PIWIL2: variants seen among roughly 807,000 people sequenced by gnomAD.
PIWIL2 encodes the protein piwi-like protein 2.
A neutral mutation model predicts 116.5 loss-of-function variants in PIWIL2; 81 were observed. The ratio of observed to expected loss-of-function variants is 0.70; its 90% CI spans 0.58 to 0.84. PIWIL2 has a LOEUF of 0.84. PIWIL2 is among the 40% of genes least tolerant of loss of function. The pLI, the probability that PIWIL2 is intolerant of heterozygous loss-of-function variation, is 0.00. For missense variants in PIWIL2, 1,272 were observed against 1,212.3 expected, an observed-to-expected ratio of 1.05 and a Z score of -0.73; for synonymous variants, 489 against 429.5, an observed-to-expected ratio of 1.14 and a Z score of -1.71.
chr8:22,310,717 G>C (rs966284426), intron 15 of PIWIL2, among the ~76,000 whole-genome samples: 2 of 151,966 alleles, frequency 1.3e-5, no homozygotes, highest in East Asian at 3.9e-4. Context: ...CCCAGTTCCT[G>C]CCTATCCCTT....
chr8:22,292,514 A>G (rs970826766), intron 10 of PIWIL2, among the ~76,000 whole-genome samples: 2 of 152,228 alleles, frequency 1.3e-5, no homozygotes, highest in African/African-American at 4.8e-5. Context: ...GAACTTTTTT[A>G]TAATTATTCT....
chr8:22,336,838 T>TA (rs1383089181), intron 20 of PIWIL2, among the ~76,000 whole-genome samples: 1 of 152,030 alleles, frequency 6.6e-6, no homozygotes, highest in African/African-American at 2.4e-5. Flanking sequence ...TTTGAGGAGA[T>TA]AAAGTTGACA....
chr8:22,316,967 A>T (rs997694142), intron 19 of PIWIL2, among the ~76,000 whole-genome samples: 1 of 151,810 alleles, frequency 6.6e-6, no homozygotes, highest in South Asian at 2.1e-4. Flanking sequence ...TTTTGTAGAG[A>T]CAGGGTTTCA....
chr8:22,342,791 C>G (rs1005491960), intron 20 of PIWIL2, among the ~76,000 whole-genome samples: 1 of 151,962 alleles, frequency 6.6e-6, no homozygotes, highest in African/African-American at 2.4e-5. Context: ...TTAAAAACTT[C>G]TGGGAAACAC....
intron 10 of PIWIL2, among the ~76,000 whole-genome samples, chr8:22,295,680 C>G (rs1563364038): frequency 6.6e-6 from 1 of 152,132 alleles, no homozygotes; most frequent in Non-Finnish European, 1.5e-5. Context: ...GCTTGGTGTT[C>G]TACCACCTTC....
chr8:22,316,346 C>T lies in PIWIL2; in HGVS notation c.2297+13C>T. 5 of 1,501,958 alleles carry T rather than the reference C, an allele frequency of 3.3e-6. No individual in the cohort carries two copies. Among genetic ancestry groups the T allele is most frequent in the Non-Finnish European group, 4.6e-6 (5 of 1,077,370 alleles). The allele number at this position is 1,501,958 out of a possible 1,614,324, so 93.0% of individuals were successfully genotyped here. Reference sequence around the variant, plus strand: ...CAAGCATCAATCTGTAAGTACTGCTCACAGTGCCATCTTGTTTGATTATTT... The same window carrying T: ...CAAGCATCAATCTGTAAGTACTGCTTACAGTGCCATCTTGTTTGATTATTT... On this transcript the variant is annotated intron_variant, in intron 19 of 22. Transcript: ENST00000356766.
At position 22,284,078 on chromosome 8, in the gene PIWIL2, CTTG is replaced by C. The variant is rs75264027; in HGVS notation, c.633-77_633-75del. On this transcript the variant is annotated intron_variant, in intron 5 of 22. Transcript: ENST00000356766. Reference sequence around the variant, plus strand: ...AAAAAATGTTACTTCCCCCAATCTTCTTGTTGTTGGTTGTGTGGGTTGGTTAGT... The same window carrying C: ...AAAAAATGTTACTTCCCCCAATCTTCTTGTTGGTTGTGTGGGTTGGTTAGT... The C allele has an allele frequency of 5.0e-4, 328 of 658,480 alleles. 1 individual carries two copies. The highest frequency in any genetic ancestry group is 7.6e-4 in the Admixed American group (26 of 34,192). 40.8% of individuals were successfully genotyped at this position (658,480 alleles called of 1,614,324 possible).
intron 10 of PIWIL2, among the ~76,000 whole-genome samples, chr8:22,291,282 C>CCAGGACCACAGGTGCATG (rs1228574852): frequency 6.6e-6 from 1 of 151,862 alleles, no homozygotes; most frequent in Non-Finnish European, 1.5e-5. Context: ...TCCCGAGTAG[C>CCAGGACCACAGGTGCATG]CAGGACCACA....
chr8:22,312,022 G>A (rs116965878), intron 16 of PIWIL2, among the ~76,000 whole-genome samples: 9,260 of 152,068 alleles, frequency 0.061, 351 homozygotes, highest in Admixed American at 0.092. Context: ...CCAGCACGTT[G>A]GGATGCTGAG....
At chr8:22,335,543 C>CTTTTT (rs59166171) in intron 20 of PIWIL2, among the ~76,000 whole-genome samples, 1 of 92,220 alleles carries the variant, frequency 1.1e-5, no homozygotes, top group East Asian at 3.5e-4. Flanking sequence ...ACAAAATAGA[C>CTTTTT]TTTTTTTTTT....
chr8:22,287,766 C>A, intron 7 of PIWIL2, 121 bp downstream of exon 7: 1 of 696,182 alleles, frequency 1.4e-6, no homozygotes, highest in South Asian at 1.6e-5. Flanking sequence ...CTCGAATTCC[C>A]AAAGCCCTGG....
intron 20 of PIWIL2, among the ~76,000 whole-genome samples, chr8:22,329,760 G>T (rs1416250594): frequency 6.6e-6 from 1 of 152,204 alleles, no homozygotes; most frequent in South Asian, 2.1e-4. Flanking sequence ...TGCTAATTCT[G>T]TATTAGCATT....
At chr8:22,327,305 G>A (rs1831747277) in intron 20 of PIWIL2, among the ~76,000 whole-genome samples, 1 of 150,344 alleles carries the variant, frequency 6.7e-6, no homozygotes, top group Admixed American at 6.6e-5. Flanking sequence ...CCAAAGTGAG[G>A]CACCACGCCT....
chr8:22,354,195 A>G, intron 21 of PIWIL2, 76 bp from the exon 22 acceptor site: 1 of 948,428 alleles, frequency 1.1e-6, no homozygotes, highest in Non-Finnish European at 1.7e-6. Flanking sequence ...AAGGAGCTAG[A>G]ACGATCTCCA....
chr8:22,286,607 A>G (rs1023903343), intron 6 of PIWIL2, among the ~76,000 whole-genome samples: 5 of 152,148 alleles, frequency 3.3e-5, no homozygotes, highest in Non-Finnish European at 5.9e-5. Context: ...CTTAGGTAAC[A>G]ACAACAAAAA....
chr8:22,303,956 C>T, intron 10 of PIWIL2, 65 bp from the exon 11 acceptor site: 1 of 1,006,406 alleles, frequency 9.9e-7, no homozygotes, highest in Non-Finnish European at 1.5e-6. Flanking sequence ...TACTTGATCC[C>T]CTATCCCTTT....
At chr8:22,337,786 A>G (rs1832014415) in intron 20 of PIWIL2, among the ~76,000 whole-genome samples, 1 of 151,786 alleles carries the variant, frequency 6.6e-6, no homozygotes, top group African/African-American at 2.4e-5. Context: ...GAAATGACAG[A>G]GCATTGTTAA....
Position 22,309,961 on chromosome 8 carries a change from A to G in PIWIL2, c.1687A>G (p.Ile563Val), listed in dbSNP as rs760083346. Residue 563 changes from isoleucine to valine, a missense_variant and splice_region_variant, in exon 15 of 23, where the codon ATT becomes GTT. Coordinates refer to ENST00000356766, the MANE Select transcript of PIWIL2 (RefSeq NM_018068.5). Reference protein sequence around the residue: ...GLRLQKDVHKIEGRVLPMERI... With the variant: ...GLRLQKDVHKVEGRVLPMERI... ...CATAGATGGTTTATTTTCTGTTTAG[A>G]TTGAAGGACGTGTTCTGCCAATGGA... 1.9e-6 allele frequency: 3 copies of G among 1,570,844 alleles called. No homozygotes were observed. The highest frequency in any genetic ancestry group is 2.6e-6 in the Non-Finnish European group (3 of 1,141,090).
In PIWIL2 at chr8:22,288,662, C is replaced by T. The variant is rs779580930; in HGVS notation, c.982C>T (p.Arg328Cys). ...LCIPFYNVVF[R>C]RVMKLLDMKL... is the part of the protein sequence containing the mutation. ...CATTCCCTTCTACAATGTTGTTTTC[C>T]GTCGGTAAGAAAACAGCTGAAGTTC... The change falls in exon 8 of 23, where the codon CGT (arginine) becomes TGT (cysteine). Residue 328 changes from arginine to cysteine, a missense_variant. Coordinates refer to ENST00000356766, the MANE Select transcript of PIWIL2 (RefSeq NM_018068.5). 1.1e-5 allele frequency: 17 copies of T among 1,606,286 alleles called. No homozygotes were observed. Among genetic ancestry groups the T allele is most frequent in the African/African-American group, 2.7e-5 (2 of 74,542 alleles).
Sources: allele counts gnomAD v4.1 joint callset (sites outside exome capture counted in the v4.1 genomes callset), GRCh38; gene constraint gnomAD v4.1.1; transcripts MANE v1.5; gene names NCBI Gene and HGNC (gene_info 2026-07-23, HGNC 2026-07-21).